MYO18B: variants seen among roughly 807,000 people sequenced by gnomAD.
MYO18B encodes the protein unconventional myosin-XVIIIb.
MYO18B carries 204 observed loss-of-function variants against 273.0 expected under a neutral mutation model. That is an observed-to-expected ratio of 0.75 (90% CI 0.67 to 0.84). MYO18B has a LOEUF of 0.84. Among genes scored for constraint, MYO18B ranks in the 40% least tolerant of loss-of-function variants. MYO18B has a pLI of 0.00. For missense variants in MYO18B, 3,212 were observed against 3,287.6 expected (o/e 0.98, Z 0.56); for synonymous variants, 1,330 against 1,305.7 (o/e 1.02, Z -0.40).
intron 42 of MYO18B, among the ~76,000 whole-genome samples, chr22:26,009,481 G>A (rs1462385490): frequency 4.6e-5 from 7 of 152,110 alleles, no homozygotes; most frequent in South Asian, 2.1e-4. Flanking sequence ...CTTCTCAGAC[G>A]TGTTGTTAAT....
chr22:25,841,407 G>A (rs2090078644), intron 17 of MYO18B, among the ~76,000 whole-genome samples: 1 of 151,856 alleles, frequency 6.6e-6, no homozygotes, highest in African/African-American at 2.4e-5. Flanking sequence ...AGTGAATGAG[G>A]GGAACAAGCA....
chr22:25,895,351 G>A (rs1309001411), intron 28 of MYO18B, 71 bp downstream of exon 28: 16 of 1,525,004 alleles, frequency 1.0e-5, no homozygotes, highest in Non-Finnish European at 1.1e-5. Flanking sequence ...CACTGTGGGT[G>A]ATCGAGGTAT....
intron 16 of MYO18B, among the ~76,000 whole-genome samples, chr22:25,834,905 G>A (rs908646861): frequency 6.6e-6 from 1 of 152,186 alleles, no homozygotes; most frequent in African/African-American, 2.4e-5. Flanking sequence ...TCTCGTTTGT[G>A]CACAAATAGA....
At position 25,847,948 on chromosome 22, in the gene MYO18B, T is replaced by TACAC. The variant is rs59375568; in HGVS notation, c.3775+320_3775+323dup. 1.9e-3 allele frequency among the ~76,000 whole-genome samples: 272 copies of TACAC among 146,276 alleles called. 1 individual carries two copies. Among genetic ancestry groups the TACAC allele is most frequent in the African/African-American group, 5.5e-3 (220 of 40,000 alleles). ...TATTTCTTCTGAAAACACACACACA[T>TACAC]ACACACACACACACACACACACACA... On this transcript the variant is annotated intron_variant, in intron 20 of 43. Coordinates refer to ENST00000335473, the MANE Select transcript of MYO18B (RefSeq NM_032608.7).
chr22:25,926,448 C>A (rs1029636430), intron 34 of MYO18B, among the ~76,000 whole-genome samples: 3 of 151,942 alleles, frequency 2.0e-5, no homozygotes, highest in Admixed American at 6.6e-5. Context: ...CCATGCCCTG[C>A]TAATTTTTGT....
intron 25 of MYO18B, among the ~76,000 whole-genome samples, chr22:25,887,279 A>G (rs1401635442): frequency 2.6e-5 from 4 of 152,196 alleles, no homozygotes. Flanking sequence ...AGAACAAGCA[A>G]CAGTGACGGT....
At chr22:25,814,294 CTTTTTTTTTTTTTTTTTTTTTTTTTT>C (rs398036691) in intron 12 of MYO18B, among the ~76,000 whole-genome samples, 1,085 of 59,518 alleles carry the variant, frequency 0.018, 26 homozygotes, top group South Asian at 0.046. Context: ...AGGCACCGTT[CTTTTTTTTTTTTTTTTTTTTTTTTTT>C]TTTTTTTTTT....
intron 21 of MYO18B, among the ~76,000 whole-genome samples, chr22:25,857,738 C>T (rs1055927713): frequency 6.6e-6 from 1 of 152,242 alleles, no homozygotes; most frequent in Non-Finnish European, 1.5e-5. Context: ...ACTGCAACCT[C>T]TGCCTCCTGG....
chr22:25,857,195 C>G (rs1210818057), intron 21 of MYO18B, among the ~76,000 whole-genome samples: 1 of 152,238 alleles, frequency 6.6e-6, no homozygotes, highest in Non-Finnish European at 1.5e-5. Flanking sequence ...TGAAGGCACT[C>G]TTTCAGCTCA....
the MYO18B span, among the ~76,000 whole-genome samples, chr22:26,045,058 TG>T: frequency 1.3e-5 from 2 of 151,642 alleles, no homozygotes; most frequent in African/African-American, 4.9e-5. Flanking sequence ...TGTTTTTTTT[TG>T]TTTTTTGGTT....
intron 12 of MYO18B, among the ~76,000 whole-genome samples, chr22:25,815,884 A>G (rs1306168312): frequency 1.3e-5 from 2 of 152,180 alleles, no homozygotes; most frequent in East Asian, 3.9e-4. Context: ...GAACACTGGG[A>G]ATGGTTTGTG....
chr22:25,830,009 C>T (rs1367334487), intron 15 of MYO18B, among the ~76,000 whole-genome samples: 1 of 152,166 alleles, frequency 6.6e-6, no homozygotes, highest in African/African-American at 2.4e-5. Context: ...CTCCCACCTT[C>T]TTCCCTGAAG....
At chr22:25,794,772 G>T (rs1183215089) in intron 11 of MYO18B, among the ~76,000 whole-genome samples, 1 of 152,184 alleles carries the variant, frequency 6.6e-6, no homozygotes, top group African/African-American at 2.4e-5. Context: ...CCAAAGTGCT[G>T]GGATTACAGG....
At chr22:25,745,491 A>ACACT (rs1421769863) in intron 1 of MYO18B, among the ~76,000 whole-genome samples, 1 of 151,538 alleles carries the variant, frequency 6.6e-6, no homozygotes, top group African/African-American at 2.4e-5. Flanking sequence ...ACACACACAC[A>ACACT]CACACACACA....
intron 39 of MYO18B, among the ~76,000 whole-genome samples, chr22:25,973,708 A>G (rs1218056352): frequency 1.3e-5 from 2 of 152,148 alleles, no homozygotes; most frequent in African/African-American, 4.8e-5. Context: ...AGCAGGCATG[A>G]TCTCAAACAA....
intron 18 of MYO18B, among the ~76,000 whole-genome samples, chr22:25,845,157 G>C (rs1488908564): frequency 6.6e-6 from 1 of 152,212 alleles, no homozygotes; most frequent in African/African-American, 2.4e-5. Context: ...CTATTAGAGA[G>C]CCCGGTTCGT....
chr22:26,003,259 T>C lies in MYO18B; in HGVS notation c.6288-6T>C, dbSNP rs73883014. 8.7e-4 allele frequency: 1,397 copies of C among 1,607,950 alleles called. 10 individuals are homozygous for C. The African/African-American group carries it at 0.015, about 18-fold the overall frequency. ...ATAACACACTCTTTCTTGTGCCTCT[T>C]ACTAGTGTCCAGACGGCAGTGGATT... On this transcript the variant is annotated splice_region_variant and splice_polypyrimidine_tract_variant and intron_variant, in intron 40 of 43. Transcript: ENST00000335473.
chr22:25,828,212 A>G (rs1312416582), intron 14 of MYO18B, among the ~76,000 whole-genome samples: 1 of 152,158 alleles, frequency 6.6e-6, no homozygotes, highest in Admixed American at 6.5e-5. Context: ...GTGGAGGCTC[A>G]GAGAGGTTGG....
intron 2 of MYO18B, among the ~76,000 whole-genome samples, chr22:25,762,619 G>GT (rs1409734675): frequency 6.6e-6 from 1 of 152,272 alleles, no homozygotes; most frequent in Non-Finnish European, 1.5e-5. Flanking sequence ...CTAGGACCCA[G>GT]TGTTAGAGAG....
Sources: allele counts gnomAD v4.1 joint callset (sites outside exome capture counted in the v4.1 genomes callset), GRCh38; gene constraint gnomAD v4.1.1; transcripts MANE v1.5; gene names NCBI Gene and HGNC (gene_info 2026-07-23, HGNC 2026-07-21).